DACH2: variants seen among roughly 807,000 people sequenced by gnomAD.
DACH2 encodes dachshund family transcription factor 2.
DACH2 carries 17 observed loss-of-function variants against 35.8 expected under a neutral mutation model. The ratio of observed to expected loss-of-function variants is 0.48; its 90% CI spans 0.33 to 0.71. The LOEUF (loss-of-function observed/expected upper bound fraction) is 0.71, where lower values mean the gene tolerates loss of function less well. DACH2 is among the 30% of genes least tolerant of loss of function. The pLI is 0.02. For synonymous variants in DACH2, 195 were observed against 177.3 expected (o/e 1.10, Z -0.79); for missense variants, 469 against 472.7 (o/e 0.99, Z 0.07).
intron 7 of DACH2, among the ~76,000 whole-genome samples, chrX:86,797,292 T>C (rs904766689): frequency 9.0e-6 from 1 of 110,513 alleles, no homozygotes; most frequent in Non-Finnish European, 1.9e-5. Flanking sequence ...AATAAATATT[T>C]ATTTTACATA....
intron 4 of DACH2, among the ~76,000 whole-genome samples, chrX:86,684,882 A>G (rs1209785904): frequency 9.0e-6 from 1 of 111,619 alleles, no homozygotes; most frequent in Non-Finnish European, 1.9e-5. Flanking sequence ...AGCTGTATAC[A>G]TGTACTAACA....
intron 7 of DACH2, among the ~76,000 whole-genome samples, chrX:86,807,196 T>C (rs1245373696): frequency 8.9e-6 from 1 of 111,756 alleles, no homozygotes; most frequent in Non-Finnish European, 1.9e-5. Context: ...TTGTGTTTCA[T>C]GAGGTGTTAA....
At chrX:86,317,353 G>T (rs2034932770) in intron 1 of DACH2, among the ~76,000 whole-genome samples, 1 of 111,312 alleles carries the variant, frequency 9.0e-6, no homozygotes. Flanking sequence ...GGCAGGATTT[G>T]CAGGATAATT....
chrX:86,157,049 C>T (rs895122269), intron 1 of DACH2, among the ~76,000 whole-genome samples: 1 of 110,824 alleles, frequency 9.0e-6, no homozygotes, highest in Admixed American at 9.6e-5. Context: ...TGAAACTACT[C>T]GTATCTGTGT....
At chrX:86,379,495 G>A (rs199851933) in intron 2 of DACH2, among the ~76,000 whole-genome samples, 4,681 of 101,016 alleles carry the variant, frequency 0.046, 141 homozygotes, top group East Asian at 0.21. Flanking sequence ...ATCTCTCTAG[G>A]AAAAAAAAAA....
intron 1 of DACH2, among the ~76,000 whole-genome samples, chrX:86,223,658 T>A (rs1391774240): frequency 8.9e-6 from 1 of 112,251 alleles, no homozygotes; most frequent in Non-Finnish European, 1.9e-5. Context: ...TTGGAAGATG[T>A]CTTTATGATG....
intron 2 of DACH2, among the ~76,000 whole-genome samples, chrX:86,509,845 C>T (rs1287623336): frequency 8.9e-6 from 1 of 112,084 alleles, no homozygotes; most frequent in African/African-American, 3.2e-5. Context: ...GTGACACATT[C>T]AGGTACTATC....
At chrX:86,801,696 C>G (rs184175302) in intron 7 of DACH2, among the ~76,000 whole-genome samples, 1 of 112,104 alleles carries the variant, frequency 8.9e-6, no homozygotes, top group African/African-American at 3.2e-5. Context: ...GTTATACAGA[C>G]TGTTTTCCCA....
At chrX:86,155,581 T>TATCTCA (rs2030516988) in intron 1 of DACH2, among the ~76,000 whole-genome samples, 1 of 110,973 alleles carries the variant, frequency 9.0e-6, no homozygotes, top group Non-Finnish European at 1.9e-5. Context: ...AGAGAAACAA[T>TATCTCA]GCTGTCAATT....
rs777405037 is a variant in DACH2, at chrX:86,739,787, A to G, written c.1145A>G (p.Glu382Gly). ...AGTCCTTCTCCTGCTCCTTCTCTAG[A>G]AGAGAATCATCGTCCTGGGAGCCAG... ...PESPSPAPSL[E>G]ENHRPGSQTS... Residue 382 changes from glutamate (E) to glycine (G), a missense_variant, in exon 7 of 12, where the codon GAA (glutamate) becomes GGA (glycine). Coordinates refer to ENST00000373125, the MANE Select transcript of DACH2 (RefSeq NM_053281.3). 8.4e-7 allele frequency: 1 copy of G among 1,190,911 alleles called. No individual in the cohort carries two copies. The highest frequency in any genetic ancestry group is 1.1e-6 in the Non-Finnish European group (1 of 884,371).
chrX:86,443,780 GT>G (rs1480038571), intron 2 of DACH2, among the ~76,000 whole-genome samples: 1 of 111,740 alleles, frequency 8.9e-6, no homozygotes, highest in Non-Finnish European at 1.9e-5. Context: ...CCTACATTTT[GT>G]TAATGAGATT....
intron 1 of DACH2, among the ~76,000 whole-genome samples, chrX:86,279,863 G>A (rs1024290632): frequency 9.2e-6 from 1 of 108,764 alleles, no homozygotes; most frequent in Non-Finnish European, 1.9e-5. Flanking sequence ...TGAGAACTTT[G>A]TGAAGCATAC....
chrX:86,324,813 G>A (rs980209257), intron 1 of DACH2, among the ~76,000 whole-genome samples: 3 of 108,444 alleles, frequency 2.8e-5, no homozygotes, highest in Non-Finnish European at 3.8e-5. Context: ...TCCTGACCTC[G>A]TGAGCCACTG....
chrX:86,497,479 G>A (rs185442418), intron 2 of DACH2, among the ~76,000 whole-genome samples: 1 of 111,239 alleles, frequency 9.0e-6, no homozygotes, highest in East Asian at 2.9e-4. Flanking sequence ...AGGAAGACAG[G>A]TCATGTCCTT....
intron 3 of DACH2, among the ~76,000 whole-genome samples, chrX:86,605,078 T>C (rs2039839724): frequency 8.9e-6 from 1 of 111,835 alleles, no homozygotes; most frequent in African/African-American, 3.3e-5. Context: ...ATGATTCTAG[T>C]GAGTCCTGTG....
At chrX:86,191,940 C>CA (rs1211327587) in intron 1 of DACH2, among the ~76,000 whole-genome samples, 2 of 111,363 alleles carry the variant, frequency 1.8e-5, no homozygotes, top group African/African-American at 6.5e-5. Context: ...GACTCCATCT[C>CA]AAAAAACAAA....
chrX:86,704,950 A>G (rs768554406), intron 5 of DACH2, among the ~76,000 whole-genome samples: 4 of 109,485 alleles, frequency 3.7e-5, no homozygotes, highest in Non-Finnish European at 7.6e-5. Context: ...ATGCACATTT[A>G]TAGCAGCACA....
intron 4 of DACH2, among the ~76,000 whole-genome samples, chrX:86,671,368 T>C (rs967147001): frequency 1.8e-5 from 2 of 111,848 alleles, no homozygotes; most frequent in Non-Finnish European, 3.8e-5. Flanking sequence ...TAGAGGCTGG[T>C]ATGGTTTGTA....
At chrX:86,736,494 T>C (rs903257001) in intron 6 of DACH2, among the ~76,000 whole-genome samples, 2 of 111,958 alleles carry the variant, frequency 1.8e-5, no homozygotes, top group Non-Finnish European at 3.8e-5. Flanking sequence ...ATTTTAAATA[T>C]GTTAGGGGAA....
Sources: allele counts gnomAD v4.1 joint callset (sites outside exome capture counted in the v4.1 genomes callset), GRCh38; gene constraint gnomAD v4.1.1; transcripts MANE v1.5; gene names NCBI Gene and HGNC (gene_info 2026-07-23, HGNC 2026-07-21).